The following ALG13 variants were observed in gnomAD, a reference collection of about 807,000 sequenced individuals.
ALG13 encodes UDP-N-acetylglucosamine transferase subunit ALG13.
A neutral mutation model predicts 87.8 loss-of-function variants in ALG13; 11 were observed. The observed-to-expected ratio is 0.13, with a 90% confidence interval of 0.08 to 0.21. The LOEUF (loss-of-function observed/expected upper bound fraction) is 0.21, where lower values mean the gene tolerates loss of function less well. ALG13 is among the 10% of genes least tolerant of loss of function. The pLI, the probability that ALG13 is intolerant of heterozygous loss-of-function variation, is 1.00. For missense variants in ALG13, 756 were observed against 866.1 expected, an observed-to-expected ratio of 0.87 and a Z score of 1.60; for synonymous variants, 320 against 306.3, an observed-to-expected ratio of 1.04 and a Z score of -0.47.
intron 24 of ALG13, among the ~76,000 whole-genome samples, chrX:111,745,483 T>C (rs1944152805): frequency 9.0e-6 from 1 of 111,051 alleles, no homozygotes; most frequent in South Asian, 3.8e-4. Flanking sequence ...TTGTAGCTTA[T>C]ACTTTCTTGC....
In ALG13 at chrX:111,727,003, T is replaced by A. The variant is rs776806407; in HGVS notation, c.1924T>A (p.Phe642Ile). The A allele has an allele frequency of 1.7e-6, 2 of 1,211,120 alleles. No homozygotes were observed. Among genetic ancestry groups the A allele is most frequent in the Non-Finnish European group, 2.2e-6 (2 of 895,147 alleles). The change falls in exon 16 of 27, where the codon TTT becomes ATT. Residue 642 changes from phenylalanine to isoleucine, a missense_variant. This residue lies in a region of ALG13 where 362 missense variants were observed against 383.5 expected (regional missense o/e 0.94). Coordinates refer to ENST00000394780, the MANE Select transcript of ALG13 (RefSeq NM_001099922.3). ...TAGNVMSNEH[F>I]HPQHPSPRQG... ...TGGCAATGTTATGTCTAATGAACAT[T>A]TTCATCCTCAGCATCCATCTCCGAG...
chrX:111,748,825 G>A, intron 24 of ALG13, among the ~76,000 whole-genome samples: 1 of 111,518 alleles, frequency 9.0e-6, no homozygotes, highest in Non-Finnish European at 1.9e-5. Flanking sequence ...GCTGGCACCT[G>A]TAATCCTAAC....
chrX:111,750,432 A>G (rs1168120697), intron 24 of ALG13, among the ~76,000 whole-genome samples: 1 of 111,442 alleles, frequency 9.0e-6, no homozygotes, highest in Non-Finnish European at 1.9e-5. Context: ...ATTGCATTGT[A>G]TGGATGTATT....
chrX:111,755,093 T>C (rs1356510494), intron 25 of ALG13, among the ~76,000 whole-genome samples: 2 of 111,228 alleles, frequency 1.8e-5, no homozygotes, highest in Admixed American at 9.5e-5. Flanking sequence ...ATAGGACCAA[T>C]AGAACAGAAC....
chrX:111,685,772 A>G (rs111575082), intron 3 of ALG13, among the ~76,000 whole-genome samples: 1 of 112,029 alleles, frequency 8.9e-6, no homozygotes, highest in Admixed American at 9.5e-5. Flanking sequence ...AGTACCTAAC[A>G]TTTTGATCTG....
intron 23 of ALG13, 138 bp from the exon 24 acceptor site, chrX:111,744,530 G>T (rs1407253793): frequency 2.7e-5 from 17 of 639,365 alleles, no homozygotes; most frequent in Non-Finnish European, 3.8e-5. Flanking sequence ...ACAATTCACT[G>T]TCCAAGTTTT....
rs1942667815 is a variant in ALG13, at chrX:111,731,377, G to GA, written c.2457+804dup. Among the ~76,000 whole-genome samples the GA allele has an allele frequency of 3.6e-5, 4 of 111,779 alleles. No homozygotes were observed. In the Admixed American group the frequency reaches 3.8e-4, roughly 11 times the overall value. ...ACTGAAATTTCTATTCATAAAGGGA[G>GA]AAAAAAACAGTTATTGGCCTGTAGC... On this transcript the variant is annotated intron_variant, in intron 21 of 26. Transcript: ENST00000394780.
chrX:111,731,627 T>A (rs184177351), intron 21 of ALG13, among the ~76,000 whole-genome samples: 209 of 112,233 alleles, frequency 1.9e-3, no homozygotes, highest in Non-Finnish European at 2.9e-3. Flanking sequence ...AGGGTGGTTT[T>A]ATCTCAGTTG....
chrX:111,730,541 T>G lies in ALG13; in HGVS notation c.2418T>G (p.Thr806=), dbSNP rs774346603. Residue 806 remains threonine (T), a synonymous_variant, in exon 21 of 27, where the codon ACT becomes ACG. Coordinates refer to ENST00000394780, the MANE Select transcript of ALG13 (RefSeq NM_001099922.3). ...YLYRAEPDYE[T]SGVYSTTAST... is the part of the protein sequence containing the mutation. The stretch of plus-strand genomic sequence containing the variant: ...ATTCTCTAGAGCCAGACTATGAAAC[T>G]TCAGGTGTTTATAGCACAACTGCAT... The G allele has an allele frequency of 8.4e-7, 1 of 1,191,536 alleles. No homozygotes were observed. Among genetic ancestry groups the G allele is most frequent in the East Asian group, 3.0e-5 (1 of 33,262 alleles).
chrX:111,696,982 CTTTTTTTTT>C (rs55888261), intron 3 of ALG13, among the ~76,000 whole-genome samples: 5 of 74,157 alleles, frequency 6.7e-5, no homozygotes, highest in Admixed American at 1.5e-4. Context: ...TGGTTCTTAC[CTTTTTTTTT>C]TTTTTTTTTT....
chrX:111,695,063 T>G (rs1415786593), intron 3 of ALG13, among the ~76,000 whole-genome samples: 1 of 112,278 alleles, frequency 8.9e-6, no homozygotes, highest in Non-Finnish European at 1.9e-5. Flanking sequence ...AATTTCATGT[T>G]TAAACTCATA....
rs886551733 is a variant in ALG13 at position 111,754,175 on chromosome X, CAT to C, written c.2973+1346_2973+1347del. Among the ~76,000 whole-genome samples the C allele has an allele frequency of 9.0e-5, 10 of 111,677 alleles. 1 individual carries two copies. Among genetic ancestry groups the C allele is most frequent in the Non-Finnish European group, 1.9e-4 (10 of 53,143 alleles). On this transcript the variant is annotated intron_variant, in intron 25 of 26. Transcript: ENST00000394780. ...TAAACAGAACCAATGACAAAAACCA[CAT>C]GATTATCTCAATAGATGCAGAAAAG...
chrX:111,682,079 CTG>C, intron 1 of ALG13, 51 bp from the exon 2 acceptor site: 1 of 1,074,199 alleles, frequency 9.3e-7, no homozygotes, highest in Non-Finnish European at 1.2e-6. Context: ...GGTTCCTGCT[CTG>C]TTTTACATAG....
chrX:111,745,251 T>G (rs1351472106), intron 24 of ALG13, among the ~76,000 whole-genome samples: 1 of 111,586 alleles, frequency 9.0e-6, no homozygotes, highest in African/African-American at 3.3e-5. Flanking sequence ...AAATTTTTCT[T>G]TATTTCTTAA....
chrX:111,725,649 A>G (rs1385353504), intron 15 of ALG13, among the ~76,000 whole-genome samples: 2 of 111,882 alleles, frequency 1.8e-5, no homozygotes, highest in Non-Finnish European at 3.8e-5. Flanking sequence ...GTTTGAGGTG[A>G]TAGATATCCC....
At chrX:111,745,787 C>T (rs946936094) in intron 24 of ALG13, among the ~76,000 whole-genome samples, 1 of 111,006 alleles carries the variant, frequency 9.0e-6, no homozygotes, top group Non-Finnish European at 1.9e-5. Flanking sequence ...GACTTTTCTC[C>T]TTGGTTTTTT....
chrX:111,731,637 G>A (rs1395038450), intron 21 of ALG13, among the ~76,000 whole-genome samples: 1 of 112,066 alleles, frequency 8.9e-6, no homozygotes, highest in Non-Finnish European at 1.9e-5. Flanking sequence ...TATCTCAGTT[G>A]AATGGTTTTA....
intron 3 of ALG13, among the ~76,000 whole-genome samples, chrX:111,707,498 C>T (rs1486668602): frequency 9.0e-6 from 1 of 111,630 alleles, no homozygotes; most frequent in Non-Finnish European, 1.9e-5. Flanking sequence ...CTGAAATATC[C>T]AGGTAATAGC....
intron 12 of ALG13, 22 bp downstream of exon 12, chrX:111,721,733 A>C: frequency 9.6e-7 from 1 of 1,036,591 alleles, no homozygotes; most frequent in Non-Finnish European, 1.3e-6. Context: ...TCAACAGGAT[A>C]CTTTTGAATC....
Sources: gnomAD v4.1 joint callset for allele counts (sites outside exome capture counted in the v4.1 genomes callset) on GRCh38, gnomAD v4.1.1 for gene constraint, gnomAD v4.1.1 regional missense constraint, MANE v1.5 for transcripts, NCBI Gene and HGNC (gene_info 2026-07-23, HGNC 2026-07-21) for gene names.